SENP5: variants seen among roughly 807,000 people sequenced by gnomAD.
The protein encoded by SENP5 is sentrin-specific protease 5.
In SENP5, 21 loss-of-function variants were observed where a neutral mutation model predicts 74.2. The observed-to-expected ratio is 0.28, with a 90% confidence interval of 0.20 to 0.41. The LOEUF is 0.41. Among genes scored for constraint, SENP5 ranks in the 10% least tolerant of loss-of-function variants. SENP5 has a pLI of 1.00. For missense variants in SENP5, 717 were observed against 889.1 expected (o/e 0.81, Z 2.46); for synonymous variants, 311 against 312.7 (o/e 0.99, Z 0.06).
intron 6 of SENP5, among the ~76,000 whole-genome samples, chr3:196,911,038 C>G (rs1250042210): frequency 6.6e-6 from 1 of 152,122 alleles, no homozygotes; most frequent in Admixed American, 6.6e-5. Flanking sequence ...GAAACTGGAC[C>G]CCTTCCTTAC....
rs996652189 is a variant in SENP5 at position 196,931,142 on chromosome 3, G to T, written c.*219G>T. 3.9e-6 allele frequency: 2 copies of T among 509,546 alleles called. No homozygotes were observed. Among genetic ancestry groups the T allele is most frequent in the South Asian group, 2.4e-5 (1 of 40,852 alleles). 31.6% of individuals were successfully genotyped at this position (509,546 alleles called of 1,614,324 possible). Reference sequence around the variant, plus strand: ...GTTTCATTTTTAATTTTATGGTTCTGTGCGTCCCCCATATTTAATATTTAT... The same window carrying T: ...GTTTCATTTTTAATTTTATGGTTCTTTGCGTCCCCCATATTTAATATTTAT... On this transcript the variant is annotated 3_prime_UTR_variant, in exon 10 of 10. Transcript: ENST00000323460.
intron 6 of SENP5, among the ~76,000 whole-genome samples, chr3:196,919,834 G>C (rs1400063007): frequency 6.7e-6 from 1 of 148,806 alleles, no homozygotes; most frequent in Admixed American, 6.7e-5. Flanking sequence ...TTTTTTCTTA[G>C]TATACTTTTC....
At chr3:196,895,930 A>G (rs1196059844) in intron 2 of SENP5, among the ~76,000 whole-genome samples, 2 of 152,160 alleles carry the variant, frequency 1.3e-5, no homozygotes, top group Non-Finnish European at 2.9e-5. Flanking sequence ...TTTGTTGTTT[A>G]TTCCTAACAT....
chr3:196,931,074 C>T lies in SENP5; in HGVS notation c.*151C>T. On this transcript the variant is annotated 3_prime_UTR_variant, in exon 10 of 10. Coordinates refer to ENST00000323460, the MANE Select transcript of SENP5 (RefSeq NM_152699.5). ...CTCAAATTTATTTTTTGCCCTTATT[C>T]ATTTCTCCAGCTACCATGTACTATT... 2 of 611,278 alleles carry T rather than the reference C, an allele frequency of 3.3e-6. No individual in the cohort carries two copies. The highest frequency in any genetic ancestry group is 5.9e-6 in the Non-Finnish European group (2 of 337,648). The allele number at this position is 611,278 out of a possible 1,614,324, so 37.9% of individuals were successfully genotyped here. A position where few individuals can be genotyped will look rare whatever the true frequency, so the allele number is the denominator to read the frequency against.
rs568236829 is a variant in SENP5, at chr3:196,885,750, A to G, written c.569A>G (p.His190Arg). The G allele has an allele frequency of 8.1e-6, 13 of 1,614,232 alleles. No homozygotes were observed. The highest frequency in any genetic ancestry group is 1.1e-5 in the South Asian group (1 of 91,090). The change falls in exon 2 of 10, where the codon CAT (histidine) becomes CGT (arginine). Residue 190 changes from histidine to arginine, a missense_variant. By Grantham distance (29) the His-to-Arg change is conservative. This residue lies in a region of SENP5 where 567 missense variants were observed against 577.4 expected (regional missense o/e 0.98). Transcript: ENST00000323460. The stretch of plus-strand genomic sequence containing the variant: ...ACGATTGTGGTCACCTTGAACAACC[A>G]TAAGAGAAAGGGCTTTTGTTACGGC... ...SGTIVVTLNN[H>R]KRKGFCYGCC...
intron 5 of SENP5, among the ~76,000 whole-genome samples, chr3:196,901,424 A>T (rs1336886141): frequency 6.6e-6 from 1 of 152,200 alleles, no homozygotes; most frequent in African/African-American, 2.4e-5. Context: ...CCTTAGATAA[A>T]TCTTTGATAC....
chr3:196,872,939 T>G (rs1180426078), intron 1 of SENP5, among the ~76,000 whole-genome samples: 3 of 152,194 alleles, frequency 2.0e-5, no homozygotes, highest in African/African-American at 4.8e-5. Flanking sequence ...GGAGGATATT[T>G]AAATCATTTG....
chr3:196,898,759 C>T (rs968928129), intron 2 of SENP5, among the ~76,000 whole-genome samples: 2 of 151,856 alleles, frequency 1.3e-5, no homozygotes, highest in Admixed American at 6.6e-5. Context: ...TAGTTCCATT[C>T]GATTCTATGC....
intron 7 of SENP5, among the ~76,000 whole-genome samples, chr3:196,923,994 C>T (rs1715721038): frequency 6.6e-6 from 1 of 151,952 alleles, no homozygotes; most frequent in East Asian, 1.9e-4. Flanking sequence ...CCTGCACTAC[C>T]AAGAACCAGT....
At chr3:196,916,527 C>CTT (rs36159681) in intron 6 of SENP5, among the ~76,000 whole-genome samples, 77 of 143,366 alleles carry the variant, frequency 5.4e-4, no homozygotes, top group East Asian at 6.4e-4. Flanking sequence ...AAGAGATTGA[C>CTT]TTTTTTTTTT....
At chr3:196,918,396 C>T (rs1285627878) in intron 6 of SENP5, among the ~76,000 whole-genome samples, 1 of 141,466 alleles carries the variant, frequency 7.1e-6, no homozygotes, top group African/African-American at 2.6e-5. Flanking sequence ...TTTCTCTTGA[C>T]TTTTTTTTTT....
intron 8 of SENP5, among the ~76,000 whole-genome samples, chr3:196,928,140 A>T (rs1278597924): frequency 6.6e-6 from 1 of 152,162 alleles, no homozygotes; most frequent in Non-Finnish European, 1.5e-5. Flanking sequence ...CTGGGGAAAA[A>T]AAAAATCTTT....
intron 2 of SENP5, among the ~76,000 whole-genome samples, chr3:196,889,735 T>C (rs918322371): frequency 6.6e-6 from 1 of 152,080 alleles, no homozygotes; most frequent in South Asian, 2.1e-4. Flanking sequence ...GGAGACAGTT[T>C]TGGTAGATCA....
At chr3:196,897,107 A>G (rs914970697) in intron 2 of SENP5, among the ~76,000 whole-genome samples, 2 of 152,202 alleles carry the variant, frequency 1.3e-5, no homozygotes, top group Admixed American at 6.5e-5. Context: ...TCCATATCCC[A>G]TTGTGGGGGA....
rs897141855 is a variant in SENP5, at chr3:196,899,930, A to G, written c.1626A>G (p.Pro542=). 9.9e-6 allele frequency: 16 copies of G among 1,613,260 alleles called. No homozygotes were observed. The African/African-American group carries it at 1.2e-4, about 12-fold the overall frequency. The change falls in exon 4 of 10, where the codon CCA becomes CCG. Residue 542 remains proline (P), a synonymous_variant. Transcript: ENST00000323460. Reference sequence around the variant, plus strand: ...CAAAATCTTTCTCTTTCAGAAAACCATTTATCAATAGGGAAATAACAAACT... The same window carrying G: ...CAAAATCTTTCTCTTTCAGAAAACCGTTTATCAATAGGGAAATAACAAACT... The part of the protein sequence containing the change: ...VFNEDFSNRK[P]FINREITNYR...
intron 2 of SENP5, among the ~76,000 whole-genome samples, chr3:196,894,075 TTA>T (rs1232187262): frequency 6.6e-6 from 1 of 151,854 alleles, no homozygotes; most frequent in Non-Finnish European, 1.5e-5. Context: ...AAGTAAATGT[TTA>T]TAAAAATGTC....
Position 196,899,964 on chromosome 3 carries a change from A to G in SENP5, c.1660A>G (p.Arg554Gly). The change falls in exon 4 of 10, where the codon AGA becomes GGA. Residue 554 changes from arginine (R) to glycine (G), a missense_variant. Arg to Gly is a moderately radical substitution (Grantham distance 125). Coordinates refer to ENST00000323460, the MANE Select transcript of SENP5 (RefSeq NM_152699.5). Reference sequence around the variant, plus strand: ...TAGGGAAATAACAAACTATCGGGCCAGACATCAAAAATGTAACTTCCGTAT... The same window carrying G: ...TAGGGAAATAACAAACTATCGGGCCGGACATCAAAAATGTAACTTCCGTAT... Reference protein sequence around the residue: ...INREITNYRARHQKCNFRIFY... With the variant: ...INREITNYRAGHQKCNFRIFY... The G allele has an allele frequency of 1.9e-6, 3 of 1,614,168 alleles. No homozygotes were observed. The highest frequency in any genetic ancestry group is 1.7e-6 in the Non-Finnish European group (2 of 1,180,024).
intron 7 of SENP5, 30 bp from the exon 8 acceptor site, chr3:196,927,766 G>A: frequency 7.6e-7 from 1 of 1,317,786 alleles, no homozygotes; most frequent in Non-Finnish European, 1.1e-6. Flanking sequence ...ATGGAACACA[G>A]CATCTGTGTT....
chr3:196,927,697 G>C, intron 7 of SENP5, 99 bp from the exon 8 acceptor site: 1 of 676,896 alleles, frequency 1.5e-6, no homozygotes, highest in Non-Finnish European at 2.6e-6. Flanking sequence ...CAGTTATGGG[G>C]CCACAGCCTC....
Sources: allele counts gnomAD v4.1 joint callset (sites outside exome capture counted in the v4.1 genomes callset), GRCh38; gene constraint gnomAD v4.1.1; regional missense constraint gnomAD v4.1.1; transcripts MANE v1.5; gene names NCBI Gene and HGNC (gene_info 2026-07-23, HGNC 2026-07-21).